RUNX2: variants seen among roughly 807,000 people sequenced by gnomAD.
RUNX2 encodes the protein runt-related transcription factor 2.
Under a neutral mutation model 51.7 loss-of-function variants are expected in RUNX2, and 10 were observed. The observed-to-expected ratio is 0.19, with a 90% CI of 0.12 to 0.33. The LOEUF (loss-of-function observed/expected upper bound fraction) is 0.33, where lower values mean the gene tolerates loss of function less well. Among genes scored for constraint, RUNX2 ranks in the 10% least tolerant of loss-of-function variants. RUNX2 has a pLI of 1.00. For synonymous variants in RUNX2, 276 were observed against 273.6 expected (o/e 1.01, Z -0.09); for missense variants, 562 against 691.3 (o/e 0.81, Z 2.10).
intron 7 of RUNX2, among the ~76,000 whole-genome samples, chr6:45,529,956 A>G (rs1011981424): frequency 1.3e-5 from 2 of 152,204 alleles, no homozygotes; most frequent in African/African-American, 4.8e-5. Context: ...ACACCGTGGT[A>G]TAATAGTGAA....
At chr6:45,477,535 A>G (rs1053571800) in intron 5 of RUNX2, among the ~76,000 whole-genome samples, 4 of 152,178 alleles carry the variant, frequency 2.6e-5, no homozygotes, top group African/African-American at 7.2e-5. Context: ...TGAGTGCCCT[A>G]CAGTTCACCC....
chr6:45,496,442 A>T (rs1247298391), intron 6 of RUNX2, among the ~76,000 whole-genome samples: 2 of 152,256 alleles, frequency 1.3e-5, no homozygotes, highest in Non-Finnish European at 2.9e-5. Flanking sequence ...TAGGTAAATA[A>T]GCATACATAT....
intron 5 of RUNX2, among the ~76,000 whole-genome samples, chr6:45,455,973 G>A (rs559919068): frequency 6.6e-6 from 1 of 152,022 alleles, no homozygotes; most frequent in African/African-American, 2.4e-5. Context: ...GTGAAAATAC[G>A]ACATTGTTAG....
intron 2 of RUNX2, among the ~76,000 whole-genome samples, chr6:45,420,223 GC>G (rs1376098965): frequency 1.3e-5 from 2 of 152,132 alleles, no homozygotes; most frequent in Non-Finnish European, 2.9e-5. Context: ...CGCAACCACA[GC>G]CCCCCAAGCT....
At chr6:45,529,610 T>A (rs1801779376) in intron 7 of RUNX2, among the ~76,000 whole-genome samples, 1 of 152,046 alleles carries the variant, frequency 6.6e-6, no homozygotes, top group African/African-American at 2.4e-5. Flanking sequence ...ATCTGTGAGT[T>A]AGGCTTATTG....
At chr6:45,398,172 T>G (rs1175037978) in intron 2 of RUNX2, among the ~76,000 whole-genome samples, 1 of 152,204 alleles carries the variant, frequency 6.6e-6, no homozygotes, top group Non-Finnish European at 1.5e-5. Context: ...AGTGTGCACT[T>G]AGGAAAGTTA....
At chr6:45,430,363 AG>A (rs1798509655) in intron 3 of RUNX2, among the ~76,000 whole-genome samples, 1 of 152,200 alleles carries the variant, frequency 6.6e-6, no homozygotes. Flanking sequence ...CTGTAATTTA[AG>A]GAAGGCTTTA....
chr6:45,377,779 G>A (rs989544284), intron 2 of RUNX2: 1 of 152,520 alleles, frequency 6.6e-6, no homozygotes, highest in East Asian at 1.9e-4. Flanking sequence ...TCTGCTTTAA[G>A]AACCCTTGGA....
At position 45,438,071 on chromosome 6, in the gene RUNX2, T is replaced by C. The variant is rs754476361; in HGVS notation, c.685+20T>C. On this transcript the variant is annotated intron_variant, in intron 5 of 8. Coordinates refer to ENST00000647337, the MANE Select transcript of RUNX2 (RefSeq NM_001024630.4). ...CCAGAAGTAAGTACTCCCCTTTTTA[T>C]TGAAGAAAGTAATAGAGTTTCCAGA... 2.1e-6 allele frequency: 3 copies of C among 1,433,384 alleles called. No homozygotes were observed. The highest frequency in any genetic ancestry group is 3.0e-6 in the Non-Finnish European group (3 of 1,016,070). The allele number at this position is 1,433,384 out of a possible 1,614,324, so 88.8% of individuals were successfully genotyped here.
intron 2 of RUNX2, among the ~76,000 whole-genome samples, chr6:45,364,590 A>G (rs1474115234): frequency 1.3e-5 from 2 of 152,200 alleles, no homozygotes; most frequent in Admixed American, 1.3e-4. Flanking sequence ...CCTCTTATCA[A>G]ATCAAGAGAT....
intron 7 of RUNX2, among the ~76,000 whole-genome samples, chr6:45,544,910 G>A (rs1218147443): frequency 2.0e-5 from 3 of 152,170 alleles, no homozygotes; most frequent in Non-Finnish European, 4.4e-5. Flanking sequence ...TCAGAATTTC[G>A]TTTTTGGGAG....
intron 7 of RUNX2, among the ~76,000 whole-genome samples, chr6:45,527,300 GT>G: frequency 6.6e-6 from 1 of 152,348 alleles, no homozygotes; most frequent in South Asian, 2.1e-4. Context: ...TTGCTGTTAT[GT>G]GCAGTGTTAA....
At chr6:45,393,098 G>A (rs1405238416) in intron 2 of RUNX2, among the ~76,000 whole-genome samples, 1 of 151,932 alleles carries the variant, frequency 6.6e-6, no homozygotes, top group African/African-American at 2.4e-5. Flanking sequence ...CTCTCACATG[G>A]CATTCTTTTT....
chr6:45,387,511 C>T (rs907644990), intron 2 of RUNX2, among the ~76,000 whole-genome samples: 3 of 152,108 alleles, frequency 2.0e-5, no homozygotes, highest in Non-Finnish European at 2.9e-5. Flanking sequence ...ATGAAATGCC[C>T]GAGACAGTGC....
At chr6:45,354,213 A>C (rs1388868026) in intron 2 of RUNX2, among the ~76,000 whole-genome samples, 5 of 152,190 alleles carry the variant, frequency 3.3e-5, no homozygotes, top group African/African-American at 4.8e-5. Flanking sequence ...ATTTTTAATA[A>C]TAGTGGAAAA....
At chr6:45,477,079 G>C (rs1246949174) in intron 5 of RUNX2, among the ~76,000 whole-genome samples, 2 of 152,128 alleles carry the variant, frequency 1.3e-5, no homozygotes, top group Non-Finnish European at 2.9e-5. Context: ...AGGTTCTCTT[G>C]CTAAGCTCCC....
intron 5 of RUNX2, among the ~76,000 whole-genome samples, chr6:45,447,578 T>C (rs1799039157): frequency 6.6e-6 from 1 of 152,348 alleles, no homozygotes; most frequent in African/African-American, 2.4e-5. Flanking sequence ...ACAAGAACTT[T>C]AGCATTCTTT....
At chr6:45,461,253 A>T (rs1031607093) in intron 5 of RUNX2, among the ~76,000 whole-genome samples, 1 of 152,230 alleles carries the variant, frequency 6.6e-6, no homozygotes, top group Non-Finnish European at 1.5e-5. Context: ...CTCCCCAACA[A>T]GATAGTTGAA....
intron 6 of RUNX2, among the ~76,000 whole-genome samples, chr6:45,509,493 C>T (rs1801078213): frequency 1.3e-5 from 2 of 152,168 alleles, no homozygotes; most frequent in South Asian, 4.1e-4. Context: ...ATGCTCAGCA[C>T]AGCAGGGAGG....
Sources: gnomAD v4.1 joint callset for allele counts (sites outside exome capture counted in the v4.1 genomes callset) on GRCh38, gnomAD v4.1.1 for gene constraint, MANE v1.5 for transcripts, NCBI Gene and HGNC (gene_info 2026-07-23, HGNC 2026-07-21) for gene names.